TLN2: variants seen among roughly 807,000 people sequenced by gnomAD.
The protein encoded by TLN2 is talin-2.
A neutral mutation model predicts 294.7 loss-of-function variants in TLN2; 118 were observed. That is an observed-to-expected ratio of 0.40 (90% CI 0.34 to 0.47). The LOEUF is 0.47. Ranked by LOEUF, TLN2 falls within the 20% of genes least tolerant of loss-of-function variation. The probability of loss-of-function intolerance (pLI) is 0.84; values close to 1 mark genes in which losing one functional copy is unlikely to be tolerated. For synonymous variants in TLN2, 1,431 were observed against 1,304.5 expected (o/e 1.10, Z -2.09); for missense variants, 3,083 against 3,282.2 (o/e 0.94, Z 1.48).
chr15:62,788,868 A>G (rs1214575405), intron 45 of TLN2, among the ~76,000 whole-genome samples: 1 of 152,106 alleles, frequency 6.6e-6, no homozygotes, highest in Admixed American at 6.5e-5. Flanking sequence ...TGACCATCCC[A>G]TCAGCCCCCA....
chr15:62,786,541 A>T (rs901524453), intron 45 of TLN2, among the ~76,000 whole-genome samples: 4 of 152,232 alleles, frequency 2.6e-5, no homozygotes, highest in African/African-American at 9.6e-5. Flanking sequence ...TCGAGATCCT[A>T]TGAGCCACAA....
chr15:62,556,583 G>A (rs772954942), intron 1 of TLN2, among the ~76,000 whole-genome samples: 14 of 152,238 alleles, frequency 9.2e-5, no homozygotes, highest in Non-Finnish European at 1.5e-4. Flanking sequence ...ACAGGTGTGA[G>A]CCACCATGTC....
chr15:62,728,081 A>G (rs2060531666), intron 28 of TLN2, among the ~76,000 whole-genome samples: 4 of 152,210 alleles, frequency 2.6e-5, no homozygotes, highest in African/African-American at 9.6e-5. Flanking sequence ...GGATCGAGGA[A>G]TCAAAAACAT....
chr15:62,811,066 C>G (rs76829874), intron 52 of TLN2, among the ~76,000 whole-genome samples: 11,876 of 152,280 alleles, frequency 0.078, 1,574 homozygotes, highest in African/African-American at 0.27. Flanking sequence ...AGCAACAGAG[C>G]TGGATCCAAA....
Position 62,840,624 on chromosome 15 carries a change from G to A in TLN2, c.*14G>A, listed in dbSNP as rs1345942076. On this transcript the variant is annotated 3_prime_UTR_variant, in exon 59 of 59. Transcript: ENST00000636159. Reference sequence around the variant, plus strand: ...GATGAGGGCTAAAGGTGCGAGCCCAGATGGCGAGCCCCAGGGGATGGCCCT... The same window carrying A: ...GATGAGGGCTAAAGGTGCGAGCCCAAATGGCGAGCCCCAGGGGATGGCCCT... 6.2e-7 allele frequency: 1 copy of A among 1,612,118 alleles called. No individual in the cohort carries two copies. Among genetic ancestry groups the A allele is most frequent in the Non-Finnish European group, 8.5e-7 (1 of 1,179,124 alleles).
At position 62,655,925 on chromosome 15, in the gene TLN2, A is replaced by T. The variant is rs201714895; in HGVS notation, c.518-19A>T. ...GGAAAAATAAACACAGTTCTCTTATATGTCTTGTTGTGTTGCAGTAAATTG... is the reference window on the plus strand; with the variant it reads ...GGAAAAATAAACACAGTTCTCTTATTTGTCTTGTTGTGTTGCAGTAAATTG... On this transcript the variant is annotated intron_variant, in intron 7 of 58. Coordinates refer to ENST00000636159, the MANE Select transcript of TLN2 (RefSeq NM_015059.3). 1 of 1,613,924 alleles carries T rather than the reference A, an allele frequency of 6.2e-7. No individual in the cohort carries two copies. The highest frequency in any genetic ancestry group is 8.5e-7 in the Non-Finnish European group (1 of 1,179,836).
At chr15:62,809,460 G>C (rs1012127341) in intron 51 of TLN2, among the ~76,000 whole-genome samples, 5 of 152,146 alleles carry the variant, frequency 3.3e-5, no homozygotes, top group African/African-American at 7.2e-5. Context: ...ACTGCAGCAT[G>C]GTCAGGCCCA....
At chr15:62,690,920 A>T (rs563832751) in intron 12 of TLN2, among the ~76,000 whole-genome samples, 2,022 of 151,396 alleles carry the variant, frequency 0.013, 51 homozygotes, top group African/African-American at 0.047. Flanking sequence ...AGGCTGAGGC[A>T]GGAGAATCAG....
chr15:62,765,645 C>T (rs922531958), intron 40 of TLN2, among the ~76,000 whole-genome samples: 1 of 152,224 alleles, frequency 6.6e-6, no homozygotes, highest in African/African-American at 2.4e-5. Context: ...TTGAATCCCC[C>T]ATCCCCCACA....
chr15:62,488,347 T>G (rs1194760008), intron 1 of TLN2, among the ~76,000 whole-genome samples: 1 of 152,160 alleles, frequency 6.6e-6, no homozygotes, highest in African/African-American at 2.4e-5. Context: ...TGGGGACATC[T>G]TTTAAGCTGA....
chr15:62,806,703 A>G (rs752068565), intron 51 of TLN2, among the ~76,000 whole-genome samples: 20 of 152,174 alleles, frequency 1.3e-4, no homozygotes, highest in Non-Finnish European at 2.1e-4. Flanking sequence ...AAAGTGAACT[A>G]TAAGAGCCCC....
chr15:62,419,044 A>G (rs1297488565), intron 1 of TLN2, among the ~76,000 whole-genome samples: 1 of 152,224 alleles, frequency 6.6e-6, no homozygotes, highest in Non-Finnish European at 1.5e-5. Flanking sequence ...TATAAATGTT[A>G]TGAGATCAAA....
intron 9 of TLN2, among the ~76,000 whole-genome samples, chr15:62,659,544 A>G (rs958045414): frequency 1.3e-5 from 2 of 152,218 alleles, no homozygotes; most frequent in Non-Finnish European, 2.9e-5. Flanking sequence ...TAGGTCCTGC[A>G]GTTTGTGGTC....
At chr15:62,539,048 T>A (rs2041523408) in intron 1 of TLN2, among the ~76,000 whole-genome samples, 1 of 151,868 alleles carries the variant, frequency 6.6e-6, no homozygotes, top group Admixed American at 6.6e-5. Flanking sequence ...ACCCATGGAG[T>A]CTAAATTTCA....
At chr15:62,833,764 T>C in intron 55 of TLN2, 135 bp downstream of exon 55, 8 of 1,286,356 alleles carry the variant, frequency 6.2e-6, no homozygotes, top group Non-Finnish European at 7.2e-6. Context: ...TGCCACTCTC[T>C]GTGCTGACCG....
chr15:62,774,856 C>G (rs1159850529), intron 42 of TLN2, among the ~76,000 whole-genome samples: 1 of 152,058 alleles, frequency 6.6e-6, no homozygotes, highest in African/African-American at 2.4e-5. Context: ...TCTGAACCTT[C>G]CTGAGCCTGC....
intron 21 of TLN2, 47 bp downstream of exon 21, chr15:62,708,843 C>T (rs1170243092): frequency 6.4e-7 from 1 of 1,554,096 alleles, no homozygotes. Flanking sequence ...TTTTGATGTT[C>T]CTGATGGTGG....
chr15:62,762,584 C>T lies in TLN2; in HGVS notation c.4961+131C>T, dbSNP rs114726543. The T allele has an allele frequency of 2.5e-4, 261 of 1,024,862 alleles. 1 individual carries two copies. The African/African-American group carries it at 3.8e-3, about 15-fold the overall frequency. The allele number at this position is 1,024,862 out of a possible 1,614,324, so 63.5% of individuals were successfully genotyped here. On this transcript the variant is annotated intron_variant, in intron 39 of 58. Transcript: ENST00000636159. ...CATCTTTTTCTTTTCTCTTTGGGGC[C>T]GGAAGCACTGGTCACAATAGTAATT...
intron 1 of TLN2, among the ~76,000 whole-genome samples, chr15:62,449,333 G>A (rs1455003933): frequency 1.3e-5 from 2 of 152,100 alleles, no homozygotes; most frequent in African/African-American, 4.8e-5. Flanking sequence ...TCAGAGTTTG[G>A]TCCTGATGCT....
Sources: gnomAD v4.1 joint callset for allele counts (sites outside exome capture counted in the v4.1 genomes callset) on GRCh38, gnomAD v4.1.1 for gene constraint, MANE v1.5 for transcripts, NCBI Gene and HGNC (gene_info 2026-07-23, HGNC 2026-07-21) for gene names.